The following PCYT1A variants were observed in gnomAD, a reference collection of about 807,000 sequenced individuals.
PCYT1A encodes phosphate cytidylyltransferase 1A, choline, also known as choline-phosphate cytidylyltransferase A.
In PCYT1A, 25 loss-of-function variants were observed where a neutral mutation model predicts 43.7. That is an observed-to-expected ratio of 0.57 (90% CI 0.42 to 0.80). The LOEUF (loss-of-function observed/expected upper bound fraction) is 0.80. PCYT1A is among the 30% of genes least tolerant of loss of function. The pLI is 0.00. For missense variants in PCYT1A, 421 were observed against 474.2 expected (o/e 0.89, Z 1.04); for synonymous variants, 172 against 170.7 (o/e 1.01, Z -0.06).
In PCYT1A at chr3:196,242,163, TGG is replaced by T; in HGVS notation, c.566-75_566-74del. ...TCAGGTATTAAGACTAAATGGAAATTGGGGGCAACATTCCTTTCCTTTCCTCA... is the reference window on the plus strand; with the variant it reads ...TCAGGTATTAAGACTAAATGGAAATTGGGCAACATTCCTTTCCTTTCCTCA... On this transcript the variant is annotated intron_variant, in intron 6 of 8. Coordinates refer to ENST00000431016, the MANE Select transcript of PCYT1A (RefSeq NM_001312673.2). The surrounding 1 kb of genome is among the most constrained non-coding windows in gnomAD (Gnocchi z 4.2). 5 of 1,447,648 alleles carry T rather than the reference TGG, an allele frequency of 3.5e-6. No homozygotes were observed. Among genetic ancestry groups the T allele is most frequent in the Non-Finnish European group, 4.8e-6 (5 of 1,035,682 alleles). 89.7% of individuals were successfully genotyped at this position (1,447,648 alleles called of 1,614,324 possible).
chr3:196,282,153 CT>C lies in PCYT1A; in HGVS notation c.-11+5461del, dbSNP rs1291669839. On this transcript the variant is annotated intron_variant, in intron 1 of 8. Transcript: ENST00000431016. The surrounding 1 kb of genome is among the most constrained non-coding windows in gnomAD (Gnocchi z 4.3). ...TCCCTCTAATTTCGTCAGAGAAACC[CT>C]TATTCAACAAACACTGAGCGGCACT... Among the ~76,000 whole-genome samples, 2 of 152,216 alleles carry C rather than the reference CT, an allele frequency of 1.3e-5. No individual in the cohort carries two copies. Among genetic ancestry groups the C allele is most frequent in the South Asian group, 2.1e-4 (1 of 4,838 alleles).
chr3:196,261,519 G>A (rs764811926), intron 2 of PCYT1A, among the ~76,000 whole-genome samples: 7 of 152,170 alleles, frequency 4.6e-5, no homozygotes, highest in African/African-American at 7.2e-5. Flanking sequence ...GCCAGGCGCA[G>A]TGGTGGGCGC....
chr3:196,245,073 C>G (rs547225219), intron 5 of PCYT1A, among the ~76,000 whole-genome samples: 79 of 134,798 alleles, frequency 5.9e-4, no homozygotes, highest in African/African-American at 2.2e-3. Context: ...CGAGAAACAC[C>G]CAAGAATGAT....
chr3:196,286,143 A>G (rs748512838), intron 1 of PCYT1A, among the ~76,000 whole-genome samples: 1 of 150,366 alleles, frequency 6.7e-6, no homozygotes, highest in Non-Finnish European at 1.5e-5. Flanking sequence ...ACTCACTGCA[A>G]CCACCGCCTC....
Position 196,238,748 on chromosome 3 carries a change from T to G in PCYT1A, c.1044A>C (p.Pro348=). ...CAGCCTTGTGCCTGGAGAGATTTGC[T>G]GGGGAGCAAGGTGGGGAAGTCTTGC... is the stretch of plus-strand genomic sequence containing the variant. The part of the protein sequence containing the change: ...FSGKTSPPCS[P]ANLSRHKAAA... The change falls in exon 9 of 9, where the codon CCA becomes CCC. Residue 348 remains proline (P), a synonymous_variant. Transcript: ENST00000431016. 1.3e-6 allele frequency: 2 copies of G among 1,590,798 alleles called. No individual in the cohort carries two copies. The highest frequency in any genetic ancestry group is 2.3e-5 in the South Asian group (2 of 87,760).
intron 2 of PCYT1A, among the ~76,000 whole-genome samples, chr3:196,265,673 A>G (rs1365800175): frequency 6.6e-6 from 1 of 151,952 alleles, no homozygotes; most frequent in Non-Finnish European, 1.5e-5. Context: ...CTGTCATCTC[A>G]GCACTTAGGG....
At chr3:196,267,787 A>T (rs1168970010) in intron 2 of PCYT1A, among the ~76,000 whole-genome samples, 1 of 152,202 alleles carries the variant, frequency 6.6e-6, no homozygotes, top group Non-Finnish European at 1.5e-5. Context: ...TAAACTGAAA[A>T]CCACTGAATT....
At chr3:196,265,698 G>T (rs1409603370) in intron 2 of PCYT1A, among the ~76,000 whole-genome samples, 1 of 151,908 alleles carries the variant, frequency 6.6e-6, no homozygotes, top group South Asian at 2.1e-4. Context: ...AGAGGTGGGC[G>T]GATAGCTTGA....
intron 1 of PCYT1A, among the ~76,000 whole-genome samples, chr3:196,284,930 A>G (rs1464239507): frequency 2.0e-5 from 3 of 152,210 alleles, no homozygotes; most frequent in Middle Eastern, 3.2e-3. Flanking sequence ...AGTCAAGTAA[A>G]CATCTAATGT....
At chr3:196,281,466 G>A (rs1381004734) in intron 1 of PCYT1A, among the ~76,000 whole-genome samples, 2 of 152,204 alleles carry the variant, frequency 1.3e-5, no homozygotes, top group Non-Finnish European at 2.9e-5. Context: ...CCCACTACCT[G>A]TTTTTGTAAT....
chr3:196,269,316 A>C (rs1044254862), intron 2 of PCYT1A, among the ~76,000 whole-genome samples: 2 of 152,178 alleles, frequency 1.3e-5, no homozygotes, highest in African/African-American at 4.8e-5. Flanking sequence ...ATAAGTATTA[A>C]CTGTTTCAGA....
chr3:196,271,048 G>A (rs1056825527), intron 1 of PCYT1A, among the ~76,000 whole-genome samples: 5 of 151,876 alleles, frequency 3.3e-5, no homozygotes, highest in African/African-American at 9.7e-5. Flanking sequence ...TTTTTAAGAC[G>A]GGGTCTCACT....
chr3:196,279,494 C>T (rs1725691279), intron 1 of PCYT1A, among the ~76,000 whole-genome samples: 1 of 152,166 alleles, frequency 6.6e-6, no homozygotes, highest in Non-Finnish European at 1.5e-5. Context: ...CCTCGAAATA[C>T]AGAATGCAGT....
rs774447329 is a variant in PCYT1A, at chr3:196,239,560, G to A, written c.884C>T (p.Pro295Leu). Reference sequence around the variant, plus strand: ...GAAAGAACATACCAGTGCTCCTTCCGGACCAAACATTTCCAGAAAACTTCC... The same window carrying A: ...GAAAGAACATACCAGTGCTCCTTCCAGACCAAACATTTCCAGAAAACTTCC... Reference protein sequence around the residue: ...FIGSFLEMFGPEGALKHMLKE... With the variant: ...FIGSFLEMFGLEGALKHMLKE... Residue 295 changes from proline (P) to leucine (L), a missense_variant, in exon 8 of 9, where the codon CCG (proline) becomes CTG (leucine). By Grantham distance (98) the Pro-to-Leu change is moderately conservative. Around this residue, in one of 3 missense-constraint regions of PCYT1A, gnomAD observed 174 missense variants for 270.7 expected, o/e 0.64. Transcript: ENST00000431016. 91 of 1,609,020 alleles carry A rather than the reference G, an allele frequency of 5.7e-5. No individual in the cohort carries two copies. The Middle Eastern group carries it at 6.6e-4, about 12-fold the overall frequency.
Position 196,237,461 on chromosome 3 carries a change from G to A in PCYT1A, c.*1227C>T, listed in dbSNP as rs1243481321. ...AGAAAACCTACCACACTCTTGTCAC[G>A]TGAGGGTATGCTCTGTGGCTTGCTG... On this transcript the variant is annotated 3_prime_UTR_variant, in exon 9 of 9. Transcript: ENST00000431016. 1 of 152,252 alleles carries A rather than the reference G, an allele frequency of 6.6e-6. No individual in the cohort carries two copies. The highest frequency in any genetic ancestry group is 1.5e-5 in the Non-Finnish European group (1 of 68,066). 9.4% of individuals were successfully genotyped at this position (152,252 alleles called of 1,614,324 possible).
chr3:196,275,196 A>T (rs4916421), intron 1 of PCYT1A, among the ~76,000 whole-genome samples: 2 of 152,062 alleles, frequency 1.3e-5, no homozygotes, highest in East Asian at 3.9e-4. Flanking sequence ...GCAGTCAAAA[A>T]TATGAGTACT....
intron 5 of PCYT1A, among the ~76,000 whole-genome samples, chr3:196,246,006 T>TA (rs1724559987): frequency 6.6e-6 from 1 of 151,870 alleles, no homozygotes; most frequent in East Asian, 1.9e-4. Context: ...GTATATATTG[T>TA]TAACAAAGAG....
chr3:196,247,458 C>T lies in PCYT1A; in HGVS notation c.395G>A (p.Arg132His), dbSNP rs1205319354. The T allele has an allele frequency of 5.6e-6, 9 of 1,614,024 alleles. No individual in the cohort carries two copies. Among genetic ancestry groups the T allele is most frequent in the African/African-American group, 1.3e-5 (1 of 74,934 alleles). The change falls in exon 5 of 9, where the codon CGC (arginine) becomes CAC (histidine). Residue 132 changes from arginine (R) to histidine (H), a missense_variant. Physicochemically the swap from Arg to His is conservative, Grantham distance 29. Coordinates refer to ENST00000431016, the MANE Select transcript of PCYT1A (RefSeq NM_001312673.2). The surrounding 1 kb of genome is among the most constrained non-coding windows in gnomAD (Gnocchi z 4.8). ...KGFTVMNENE[R>H]YDAVQHCRYV... ...GCGGCAGTGCTGGACTGCGTCATAG[C>T]GCTCATTCTCGTTCATCACCGTGAA...
At chr3:196,283,286 T>C (rs1725818992) in intron 1 of PCYT1A, among the ~76,000 whole-genome samples, 2 of 152,238 alleles carry the variant, frequency 1.3e-5, no homozygotes, top group Admixed American at 1.3e-4. Context: ...ATTGCACCAC[T>C]GCATTCTAGC....
Sources: gnomAD v4.1 joint callset for allele counts (sites outside exome capture counted in the v4.1 genomes callset) on GRCh38, gnomAD v4.1.1 for gene constraint, gnomAD v4.1.1 regional missense constraint, Gnocchi (gnomAD v3.1) non-coding constraint, MANE v1.5 for transcripts, NCBI Gene and HGNC (gene_info 2026-07-23, HGNC 2026-07-21) for gene names.